Variants in MAN1A1 observed in about 807,000 individuals in gnomAD.
The protein encoded by MAN1A1 is mannosyl-oligosaccharide 1,2-alpha-mannosidase IA.
MAN1A1 carries 29 observed loss-of-function variants against 70.8 expected under a neutral mutation model. The observed-to-expected ratio is 0.41, with a 90% CI of 0.31 to 0.56. The LOEUF (loss-of-function observed/expected upper bound fraction) is 0.56, where lower values mean the gene tolerates loss of function less well. MAN1A1 is among the 20% of genes least tolerant of loss of function. The pLI is 0.29. For missense variants in MAN1A1, 747 were observed against 841.3 expected (o/e 0.89, Z 1.39); for synonymous variants, 349 against 330.1 (o/e 1.06, Z -0.62).
At chr6:119,309,944 A>G (rs564823368) in intron 2 of MAN1A1, among the ~76,000 whole-genome samples, 1 of 152,334 alleles carries the variant, frequency 6.6e-6, no homozygotes, top group Admixed American at 6.5e-5. Flanking sequence ...AGTATCTGCT[A>G]CACTATGAAA....
At chr6:119,350,556 G>A, upstream of MAN1A1, 1 of 985,300 alleles carries the variant, frequency 1.0e-6, no homozygotes, top group Admixed American at 6.1e-5. Context: ...TTTTCCATTC[G>A]AAGACGAGTT....
chr6:119,220,815 C>A (rs1192623948), intron 6 of MAN1A1, among the ~76,000 whole-genome samples: 1 of 152,028 alleles, frequency 6.6e-6, no homozygotes, highest in African/African-American at 2.4e-5. Flanking sequence ...TAGCCAATTT[C>A]CTGAGCCAAG....
intron 6 of MAN1A1, among the ~76,000 whole-genome samples, chr6:119,226,837 A>C (rs1192473260): frequency 8.3e-6 from 1 of 120,246 alleles, no homozygotes; most frequent in Non-Finnish European, 1.9e-5. Context: ...GGCCTGGCTA[A>C]TTTATATATT....
intron 6 of MAN1A1, among the ~76,000 whole-genome samples, chr6:119,242,150 T>C (rs564968542): frequency 5.5e-4 from 23 of 41,828 alleles, no homozygotes; most frequent in African/African-American, 1.5e-3. Flanking sequence ...CACACTTTCA[T>C]AGACTGGGTT....
At chr6:119,319,908 G>A (rs1772962050) in intron 2 of MAN1A1, among the ~76,000 whole-genome samples, 1 of 152,016 alleles carries the variant, frequency 6.6e-6, no homozygotes, top group Admixed American at 6.5e-5. Context: ...GGCACATGCA[G>A]ATATGCTGTC....
At chr6:119,347,947 C>G (rs1000069482) in intron 2 of MAN1A1, among the ~76,000 whole-genome samples, 1 of 152,208 alleles carries the variant, frequency 6.6e-6, no homozygotes, top group Non-Finnish European at 1.5e-5. Context: ...TAGTATCCCT[C>G]GATGATGGGA....
chr6:119,271,162 G>T (rs1466585144), intron 5 of MAN1A1, among the ~76,000 whole-genome samples: 2 of 152,088 alleles, frequency 1.3e-5, no homozygotes, highest in Admixed American at 6.6e-5. Context: ...ATACAAAAAT[G>T]GGTTAAGAAG....
At chr6:119,214,763 C>T (rs1774150216) in intron 6 of MAN1A1, among the ~76,000 whole-genome samples, 1 of 152,102 alleles carries the variant, frequency 6.6e-6, no homozygotes, top group Non-Finnish European at 1.5e-5. Flanking sequence ...GCCTTGGCCT[C>T]CCAAAGTGCT....
At chr6:119,335,818 T>G (rs1167399071) in intron 2 of MAN1A1, among the ~76,000 whole-genome samples, 9 of 152,236 alleles carry the variant, frequency 5.9e-5, no homozygotes, top group Non-Finnish European at 1.3e-4. Context: ...GTAAGTTTTG[T>G]GGAAGCACAG....
At chr6:119,347,163 G>GT (rs984338286) in intron 2 of MAN1A1, among the ~76,000 whole-genome samples, 2 of 152,174 alleles carry the variant, frequency 1.3e-5, no homozygotes, top group Admixed American at 1.3e-4. Context: ...AGGGATCCAA[G>GT]TCCACTTTAA....
chr6:119,253,532 C>T (rs1245381690), intron 5 of MAN1A1, among the ~76,000 whole-genome samples: 1 of 152,176 alleles, frequency 6.6e-6, no homozygotes, highest in African/African-American at 2.4e-5. Context: ...CAACTTTTTG[C>T]AGGGAAAACA....
chr6:119,275,867 G>A (rs897077981), intron 5 of MAN1A1, among the ~76,000 whole-genome samples: 1 of 152,238 alleles, frequency 6.6e-6, no homozygotes, highest in African/African-American at 2.4e-5. Context: ...ACACGGTCAT[G>A]TGCTTTGCTA....
chr6:119,249,466 C>A (rs964273960), intron 5 of MAN1A1, among the ~76,000 whole-genome samples: 4 of 152,260 alleles, frequency 2.6e-5, no homozygotes, highest in Non-Finnish European at 4.4e-5. Context: ...AAGCAGGTAC[C>A]TGTTCCCCTC....
At chr6:119,293,019 G>C (rs1772089527) in intron 4 of MAN1A1, among the ~76,000 whole-genome samples, 1 of 151,902 alleles carries the variant, frequency 6.6e-6, no homozygotes, top group Admixed American at 6.6e-5. Context: ...CTCTCAATTA[G>C]TACTTGTGTT....
At chr6:119,277,479 T>G (rs935278948) in intron 5 of MAN1A1, among the ~76,000 whole-genome samples, 4 of 152,190 alleles carry the variant, frequency 2.6e-5, no homozygotes, top group Admixed American at 2.6e-4. Flanking sequence ...AAACAAATTT[T>G]TTTATGAATC....
At chr6:119,322,164 C>G (rs1057480089) in intron 2 of MAN1A1, among the ~76,000 whole-genome samples, 3 of 152,186 alleles carry the variant, frequency 2.0e-5, no homozygotes, top group Non-Finnish European at 4.4e-5. Context: ...ATTCCTTCCA[C>G]AATCATCTTG....
intron 5 of MAN1A1, among the ~76,000 whole-genome samples, chr6:119,252,379 A>C (rs1205978205): frequency 6.6e-6 from 1 of 152,196 alleles, no homozygotes; most frequent in Non-Finnish European, 1.5e-5. Flanking sequence ...ACAAAAAGCA[A>C]ATTTGAGTGA....
At chr6:119,328,185 CAAGAAGAACAGT>C (rs757189732) in intron 2 of MAN1A1, among the ~76,000 whole-genome samples, 3 of 152,198 alleles carry the variant, frequency 2.0e-5, no homozygotes, top group Non-Finnish European at 2.9e-5. Flanking sequence ...ACAACATGCC[CAAGAAGAACAGT>C]AAGTCACCCA....
intron 8 of MAN1A1, among the ~76,000 whole-genome samples, chr6:119,196,295 T>A (rs997880958): frequency 5.4e-5 from 8 of 147,410 alleles, no homozygotes; most frequent in Admixed American, 3.4e-4. Context: ...TTTCTATTTT[T>A]AAAATTTCCT....
Sources: gnomAD v4.1 joint callset for allele counts (sites outside exome capture counted in the v4.1 genomes callset) on GRCh38, gnomAD v4.1.1 for gene constraint, MANE v1.5 for transcripts, NCBI Gene and HGNC (gene_info 2026-07-23, HGNC 2026-07-21) for gene names.